IAPP: variants seen among roughly 807,000 people sequenced by gnomAD.
IAPP encodes Islet amyloid polypeptide (diabetes-associated peptide; amylin).
A neutral mutation model predicts 2.9 loss-of-function variants in IAPP; 4 were observed. That is an observed-to-expected ratio of 1.39 (90% CI 0.69 to 3.19). The LOEUF (loss-of-function observed/expected upper bound fraction) is 3.19, where lower values mean the gene tolerates loss of function less well. IAPP is among the 30% of genes most tolerant of loss of function. The probability of loss-of-function intolerance (pLI) is 0.01; values close to 1 mark genes in which losing one functional copy is unlikely to be tolerated. For synonymous variants in IAPP, 40 were observed against 42.1 expected (o/e 0.95, Z 0.19); for missense variants, 114 against 105.3 (o/e 1.08, Z -0.36).
intron 1 of IAPP, among the ~76,000 whole-genome samples, chr12:21,363,457 T>C (rs1441731865): frequency 1.3e-5 from 2 of 152,136 alleles, no homozygotes; most frequent in Non-Finnish European, 2.9e-5. Context: ...AGATCTTAAA[T>C]TGACACCCTA....
At position 21,363,024 on chromosome 12, in the gene IAPP, T is replaced by C. The variant is rs111915435; in HGVS notation, c.-16+8011T>C. Among the ~76,000 whole-genome samples, 5 of 152,280 alleles carry C rather than the reference T, an allele frequency of 3.3e-5. No individual in the cohort carries two copies. The South Asian group carries it at 8.3e-4, about 25-fold the overall frequency. On this transcript the variant is annotated intron_variant, in intron 1 of 2. Transcript: ENST00000539393. ...TAACAAGGATATCCAGGAATTAAAC[T>C]CAGCTCTGCACCAAGCGGACCTAAT...
upstream of IAPP, among the ~76,000 whole-genome samples, chr12:21,368,843 C>T (rs376847446): frequency 9.2e-5 from 14 of 152,086 alleles, no homozygotes; most frequent in East Asian, 1.2e-3. Context: ...AACTATTTTA[C>T]GATAGTGATA....
intron 1 of IAPP, among the ~76,000 whole-genome samples, chr12:21,363,818 A>C: frequency 6.6e-6 from 1 of 152,212 alleles, no homozygotes; most frequent in Non-Finnish European, 1.5e-5. Flanking sequence ...AAATTCCTGG[A>C]CTTATACACC....
At chr12:21,359,083 T>A (rs1296621463) in intron 1 of IAPP, among the ~76,000 whole-genome samples, 2 of 152,138 alleles carry the variant, frequency 1.3e-5, no homozygotes, top group African/African-American at 4.8e-5. Context: ...AGTCTAGGGA[T>A]TTTTAGACCC....
rs1055368975 is a variant in IAPP, at chr12:21,378,369, C to A, written c.213C>A (p.Gly71=). The A allele has an allele frequency of 6.2e-7, 1 of 1,613,924 alleles. No individual in the cohort carries two copies. Among genetic ancestry groups the A allele is most frequent in the Non-Finnish European group, 8.5e-7 (1 of 1,179,944 alleles). Residue 71 remains glycine (G), a synonymous_variant, in exon 3 of 3, where the codon GGC becomes GGA. Transcript: ENST00000240652. ...SSTNVGSNTY[G]KRNAVEVLKR... ...CCAACGTGGGATCCAATACATATGG[C>A]AAGAGGAATGCAGTAGAGGTTTTAA...
intron 2 of IAPP, chr12:21,373,645 G>A: frequency 1.4e-6 from 1 of 701,648 alleles, no homozygotes; most frequent in Non-Finnish European, 2.6e-6. Flanking sequence ...CTGACAGACA[G>A]GAATGGATAA....
chr12:21,360,537 C>T (rs925366926), intron 1 of IAPP, among the ~76,000 whole-genome samples: 2 of 152,220 alleles, frequency 1.3e-5, no homozygotes, highest in African/African-American at 4.8e-5. Flanking sequence ...CCAGGTTCAT[C>T]TCACTGGGGC....
intron 1 of IAPP, among the ~76,000 whole-genome samples, chr12:21,367,683 T>C (rs1428732473): frequency 6.6e-6 from 1 of 151,936 alleles, no homozygotes; most frequent in African/African-American, 2.4e-5. Context: ...GTAATCAGCA[T>C]TTAGGTTGTT....
intron 1 of IAPP, among the ~76,000 whole-genome samples, chr12:21,361,467 A>C (rs771787484): frequency 1.2e-4 from 19 of 152,322 alleles, no homozygotes; most frequent in Non-Finnish European, 2.2e-4. Context: ...AATTCTAAAA[A>C]TTAGCGCACC....
At chr12:21,358,228 A>G (rs1434698780) in intron 1 of IAPP, among the ~76,000 whole-genome samples, 2 of 152,240 alleles carry the variant, frequency 1.3e-5, no homozygotes, top group Admixed American at 6.5e-5. Flanking sequence ...TCTGTGATAC[A>G]AAGAGATGAA....
intron 1 of IAPP, among the ~76,000 whole-genome samples, chr12:21,365,278 C>G (rs1486866927): frequency 6.6e-6 from 1 of 151,992 alleles, no homozygotes; most frequent in Non-Finnish European, 1.5e-5. Flanking sequence ...ACAAACCTGA[C>G]AAAAACAAGA....
At chr12:21,370,530 C>A (rs982328849), upstream of IAPP, among the ~76,000 whole-genome samples, 2 of 138,164 alleles carry the variant, frequency 1.4e-5, no homozygotes, top group Non-Finnish European at 3.0e-5. Context: ...CTTCCTGTGT[C>A]CATGTGTTCT....
chr12:21,374,507 G>T (rs1389185019), intron 2 of IAPP: 1 of 152,148 alleles, frequency 6.6e-6, no homozygotes, highest in Non-Finnish European at 1.5e-5. Context: ...ATAGCAATAT[G>T]CAAAGATTTC....
At chr12:21,357,108 T>G (rs533303933) in intron 1 of IAPP, among the ~76,000 whole-genome samples, 5 of 152,274 alleles carry the variant, frequency 3.3e-5, no homozygotes, top group Admixed American at 2.0e-4. Flanking sequence ...AGAAAACCTT[T>G]ATGGGTTGAA....
At chr12:21,357,714 GTTTA>G (rs546292748) in intron 1 of IAPP, among the ~76,000 whole-genome samples, 9 of 151,566 alleles carry the variant, frequency 5.9e-5, no homozygotes, top group Non-Finnish European at 1.3e-4. Context: ...TTGTTTCTGT[GTTTA>G]TTTTTTTTGT....
chr12:21,361,841 G>A (rs561807197), intron 1 of IAPP, among the ~76,000 whole-genome samples: 1 of 152,174 alleles, frequency 6.6e-6, no homozygotes, highest in African/African-American at 2.4e-5. Context: ...GAGAAGTTTA[G>A]AGAAAAAAGA....
chr12:21,358,593 G>C (rs1341850385), intron 1 of IAPP, among the ~76,000 whole-genome samples: 1 of 151,872 alleles, frequency 6.6e-6, no homozygotes, highest in East Asian at 1.9e-4. Flanking sequence ...AGATAATTTT[G>C]TGTCTTATAT....
intron 1 of IAPP, among the ~76,000 whole-genome samples, chr12:21,362,442 A>G (rs1183429876): frequency 6.6e-6 from 1 of 152,164 alleles, no homozygotes; most frequent in Non-Finnish European, 1.5e-5. Flanking sequence ...CCACTGCAAA[A>G]ACATGCCAAA....
chr12:21,360,034 A>C (rs1310368804), intron 1 of IAPP, among the ~76,000 whole-genome samples: 1 of 152,202 alleles, frequency 6.6e-6, no homozygotes, highest in Non-Finnish European at 1.5e-5. Context: ...AAAGTCAGGC[A>C]AAAAGGAATA....
Sources: gnomAD v4.1 joint callset for allele counts (sites outside exome capture counted in the v4.1 genomes callset) on GRCh38, gnomAD v4.1.1 for gene constraint, MANE v1.5 for transcripts, NCBI Gene and HGNC (gene_info 2026-07-23, HGNC 2026-07-21) for gene names.